CCDC141: variants seen among roughly 807,000 people sequenced by gnomAD.
The protein encoded by CCDC141 is coiled-coil domain containing 141, also known as coiled-coil domain-containing protein 141.
A neutral mutation model predicts 181.0 loss-of-function variants in CCDC141; 168 were observed. The ratio of observed to expected loss-of-function variants is 0.93; its 90% CI spans 0.82 to 1.05. CCDC141 has a LOEUF of 1.05. Among genes scored for constraint, CCDC141 ranks in the 50% least tolerant of loss-of-function variants. CCDC141 has a pLI of 0.00. For missense variants in CCDC141, 1,902 were observed against 1,788.5 expected, an observed-to-expected ratio of 1.06 and a Z score of -1.14; for synonymous variants, 666 against 642.3, an observed-to-expected ratio of 1.04 and a Z score of -0.56.
chr2:179,043,126 A>C (rs957286588), intron 2 of CCDC141, among the ~76,000 whole-genome samples: 1 of 152,176 alleles, frequency 6.6e-6, no homozygotes, highest in Admixed American at 6.5e-5. Context: ...ATCTAGAAAA[A>C]ATGAATAAAT....
At chr2:179,024,031 T>C (rs1277596168) in intron 2 of CCDC141, among the ~76,000 whole-genome samples, 1 of 152,196 alleles carries the variant, frequency 6.6e-6, no homozygotes, top group Non-Finnish European at 1.5e-5. Context: ...CAGGCCCGGC[T>C]TAGGTGAGGG....
At chr2:178,898,415 TC>T (rs1687516203) in intron 8 of CCDC141, among the ~76,000 whole-genome samples, 1 of 152,154 alleles carries the variant, frequency 6.6e-6, no homozygotes, top group Non-Finnish European at 1.5e-5. Flanking sequence ...ATATTACCAG[TC>T]TCAGTTATTC....
intron 2 of CCDC141, among the ~76,000 whole-genome samples, chr2:178,995,702 T>C (rs983014315): frequency 1.3e-5 from 2 of 152,192 alleles, no homozygotes; most frequent in Non-Finnish European, 1.5e-5. Flanking sequence ...CACTAAGAGA[T>C]AGATGAGTAT....
intron 7 of CCDC141, among the ~76,000 whole-genome samples, chr2:178,912,764 C>T (rs1688275900): frequency 6.6e-6 from 1 of 152,174 alleles, no homozygotes; most frequent in South Asian, 2.1e-4. Flanking sequence ...CCTGATCTCC[C>T]CACCTGCTTC....
At chr2:178,851,793 A>G (rs1685175754) in intron 20 of CCDC141, among the ~76,000 whole-genome samples, 1 of 152,202 alleles carries the variant, frequency 6.6e-6, no homozygotes, top group African/African-American at 2.4e-5. Flanking sequence ...TCTTGAATGG[A>G]GGAACTAGGT....
intron 4 of CCDC141, among the ~76,000 whole-genome samples, chr2:178,962,164 C>A (rs1407247666): frequency 6.6e-6 from 1 of 152,088 alleles, no homozygotes; most frequent in East Asian, 1.9e-4. Flanking sequence ...TATGTGATCT[C>A]TGGAGTAAAT....
chr2:179,002,699 G>A (rs4893862), intron 2 of CCDC141: 59,220 of 157,364 alleles, frequency 0.38, 12,717 homozygotes, highest in East Asian at 0.6. Context: ...AAAAAAATAT[G>A]CCAGGAGCAG....
chr2:178,972,722 G>C (rs890445344), intron 4 of CCDC141, among the ~76,000 whole-genome samples: 1 of 152,176 alleles, frequency 6.6e-6, no homozygotes, highest in Non-Finnish European at 1.5e-5. Flanking sequence ...CCCAAGGAGA[G>C]AAGTCAGGAG....
intron 8 of CCDC141, among the ~76,000 whole-genome samples, chr2:178,900,283 A>G (rs1428377361): frequency 1.3e-5 from 2 of 152,168 alleles, no homozygotes; most frequent in Non-Finnish European, 1.5e-5. Flanking sequence ...AGGATTGTAG[A>G]TGTCTCTTTG....
At chr2:178,818,003 A>G in the CCDC141 span, among the ~76,000 whole-genome samples, 1 of 152,068 alleles carries the variant, frequency 6.6e-6, no homozygotes, top group African/African-American at 2.4e-5. Flanking sequence ...AGATTTCACT[A>G]TGTTGGCCAG....
intron 2 of CCDC141, among the ~76,000 whole-genome samples, chr2:179,044,637 T>A (rs2043426281): frequency 6.6e-6 from 1 of 152,202 alleles, no homozygotes; most frequent in Admixed American, 6.5e-5. Context: ...AAATGCTGGC[T>A]GGGCATGAAT....
chr2:178,954,408 A>G (rs998372858), intron 5 of CCDC141, among the ~76,000 whole-genome samples: 1 of 152,246 alleles, frequency 6.6e-6, no homozygotes, highest in Non-Finnish European at 1.5e-5. Context: ...ATGAAAGAAC[A>G]TGCTATAATT....
intron 22 of CCDC141, among the ~76,000 whole-genome samples, chr2:178,842,560 A>C (rs1684770334): frequency 6.6e-6 from 1 of 152,232 alleles, no homozygotes; most frequent in Non-Finnish European, 1.5e-5. Context: ...ATATTCCTAC[A>C]TCCATTCAAC....
chr2:178,986,306 G>C (rs1240250982), intron 2 of CCDC141, among the ~76,000 whole-genome samples: 1 of 152,112 alleles, frequency 6.6e-6, no homozygotes, highest in African/African-American at 2.4e-5. Context: ...AGGTATTGAT[G>C]GGACATATTT....
chr2:178,916,974 T>C (rs1267856855), intron 7 of CCDC141, among the ~76,000 whole-genome samples: 1 of 151,996 alleles, frequency 6.6e-6, no homozygotes, highest in African/African-American at 2.4e-5. Flanking sequence ...TTGCAGGAGA[T>C]ATTTCTTCTC....
intron 2 of CCDC141, among the ~76,000 whole-genome samples, chr2:179,034,437 C>T (rs1473948200): frequency 2.0e-5 from 3 of 152,144 alleles, no homozygotes; most frequent in Non-Finnish European, 4.4e-5. Context: ...ATCTGTACAA[C>T]AAACCTCCAT....
At chr2:178,986,753 C>T (rs1156764560) in intron 2 of CCDC141, among the ~76,000 whole-genome samples, 10 of 151,928 alleles carry the variant, frequency 6.6e-5, no homozygotes, top group African/African-American at 2.4e-4. Flanking sequence ...AGGAATCCAA[C>T]GTACAAGGGA....
Position 178,868,026 on chromosome 2 carries a change from A to C in CCDC141, c.2574T>G (p.Pro858=). 1 of 1,603,726 alleles carries C rather than the reference A, an allele frequency of 6.2e-7. No individual in the cohort carries two copies. Among genetic ancestry groups the C allele is most frequent in the Non-Finnish European group, 8.5e-7 (1 of 1,171,958 alleles). ...GVDIISSVQR[P]HCSNVSAKNL... is the part of the protein sequence containing the mutation. ...AATGATAGTGTTATTAGATGCTTAC[A>C]GGCCGCTGCACTGATGAGATGATGT... Residue 858 remains proline (P), a splice_region_variant and synonymous_variant, in exon 16 of 24, where the codon CCT becomes CCG. Transcript: ENST00000443758.
At chr2:178,952,883 C>CT (rs1171623331) in intron 5 of CCDC141, among the ~76,000 whole-genome samples, 1 of 147,146 alleles carries the variant, frequency 6.8e-6, no homozygotes, top group African/African-American at 2.5e-5. Flanking sequence ...TTTTTCTCTT[C>CT]TTTTTTTTGA....
Sources: allele counts gnomAD v4.1 joint callset (sites outside exome capture counted in the v4.1 genomes callset), GRCh38; gene constraint gnomAD v4.1.1; transcripts MANE v1.5; gene names NCBI Gene and HGNC (gene_info 2026-07-23, HGNC 2026-07-21).